The following THSD7A variants were observed in gnomAD, a reference collection of about 807,000 sequenced individuals.
THSD7A encodes thrombospondin type-1 domain-containing protein 7A.
In THSD7A, 96 loss-of-function variants were observed where a neutral mutation model predicts 231.3. That is an observed-to-expected ratio of 0.41 (90% CI 0.35 to 0.49). The LOEUF (loss-of-function observed/expected upper bound fraction) is 0.49. THSD7A is among the 20% of genes least tolerant of loss of function. THSD7A has a pLI of 0.05. For missense variants in THSD7A, 2,290 were observed against 2,070.2 expected (o/e 1.11, Z -2.06); for synonymous variants, 940 against 743.3 (o/e 1.26, Z -4.30).
At chr7:11,531,637 A>G (rs1332319171) in intron 6 of THSD7A, among the ~76,000 whole-genome samples, 2 of 152,192 alleles carry the variant, frequency 1.3e-5, no homozygotes, top group African/African-American at 4.8e-5. Context: ...CTCTTCACAG[A>G]TGTCACTCCA....
chr7:11,821,415 A>AT (rs112730302), intron 1 of THSD7A: 2,711 of 262,838 alleles, frequency 0.01, 75 homozygotes, highest in African/African-American at 0.057. Flanking sequence ...TTTTTCTTTT[A>AT]TTTTTTTAGG....
At chr7:11,593,221 C>T (rs552424739) in intron 3 of THSD7A, 33 bp downstream of exon 3, 52 of 1,603,748 alleles carry the variant, frequency 3.2e-5, no homozygotes, top group African/African-American at 2.1e-4. Context: ...AATGTAGTTT[C>T]GGCAGACGCT....
chr7:11,608,412 G>A (rs963458530), intron 2 of THSD7A, among the ~76,000 whole-genome samples: 1 of 152,056 alleles, frequency 6.6e-6, no homozygotes, highest in Non-Finnish European at 1.5e-5. Context: ...AAAAATGAGA[G>A]GGAGAGAGAA....
At position 11,472,224 on chromosome 7, in the gene THSD7A, T is replaced by G. The variant is rs576983110; in HGVS notation, c.2252+2110A>C. On this transcript the variant is annotated intron_variant, in intron 8 of 27. Transcript: ENST00000423059. ...CCTTTGTACTGTTTGTATTTAGTGT[T>G]TGTGGTTTAAATCAAGAAATTGATT... 3.9e-5 allele frequency among the ~76,000 whole-genome samples: 6 copies of G among 152,270 alleles called. No homozygotes were observed. In the South Asian group the frequency reaches 1.0e-3, roughly 26 times the overall value.
intron 26 of THSD7A, 46 bp from the exon 27 acceptor site, chr7:11,376,703 A>G: frequency 2.8e-6 from 4 of 1,419,830 alleles, no homozygotes; most frequent in Non-Finnish European, 3.9e-6. Flanking sequence ...AGTCTGGTAT[A>G]CATGAGGCAG....
intron 1 of THSD7A, among the ~76,000 whole-genome samples, chr7:11,784,236 ATG>A (rs145997266): frequency 0.02 from 3,092 of 151,164 alleles, 60 homozygotes; most frequent in Non-Finnish European, 0.028. Context: ...ATATATATGT[ATG>A]TGTGTGTGTG....
At chr7:11,615,407 G>C (rs1467924422) in intron 2 of THSD7A, among the ~76,000 whole-genome samples, 1 of 152,102 alleles carries the variant, frequency 6.6e-6, no homozygotes, top group East Asian at 1.9e-4. Context: ...ATTTCTTCTG[G>C]CTAAGTGGCA....
chr7:11,680,077 CA>C (rs1271480415), intron 1 of THSD7A, among the ~76,000 whole-genome samples: 1,602 of 119,112 alleles, frequency 0.013, 21 homozygotes, highest in African/African-American at 0.036. Flanking sequence ...ACAAAACTGA[CA>C]AAAAAAAAAA....
At chr7:11,732,483 A>G (rs1056907563) in intron 1 of THSD7A, among the ~76,000 whole-genome samples, 1 of 151,882 alleles carries the variant, frequency 6.6e-6, no homozygotes, top group African/African-American at 2.4e-5. Context: ...CCAAGCTTGT[A>G]TATCAGTGTC....
At chr7:11,425,653 C>G (rs1193159176) in intron 15 of THSD7A, among the ~76,000 whole-genome samples, 4 of 151,438 alleles carry the variant, frequency 2.6e-5, no homozygotes, top group Admixed American at 1.3e-4. Context: ...CCATTGCAAC[C>G]AAGCTGACTC....
chr7:11,376,258 G>A (rs1488142019), intron 27 of THSD7A, among the ~76,000 whole-genome samples: 1 of 152,056 alleles, frequency 6.6e-6, no homozygotes, highest in East Asian at 1.9e-4. Flanking sequence ...AGGTATTACT[G>A]TAATATCTTC....
At chr7:11,547,829 C>A (rs539797393) in intron 4 of THSD7A, among the ~76,000 whole-genome samples, 2 of 152,156 alleles carry the variant, frequency 1.3e-5, no homozygotes, top group South Asian at 4.1e-4. Flanking sequence ...AACAAACATA[C>A]AACATACCAG....
Position 11,634,428 on chromosome 7 carries a change from CAACTT to C in THSD7A, c.1022+1697_1022+1701del, listed in dbSNP as rs1412329714. On this transcript the variant is annotated intron_variant, in intron 2 of 27. Transcript: ENST00000423059. This position sits in a 1 kb window ranked among gnomAD's most constrained non-coding sequence, Gnocchi z 4.1. ...AACCCAGTGATAGCAGGAAACAACTCAACTTGTCTTGGAGACTCATTCAATTATTT... is the reference window on the plus strand; with the variant it reads ...AACCCAGTGATAGCAGGAAACAACTCGTCTTGGAGACTCATTCAATTATTT... 6.6e-6 allele frequency among the ~76,000 whole-genome samples: 1 copy of C among 152,122 alleles called. No individual in the cohort carries two copies. Among genetic ancestry groups the C allele is most frequent in the Non-Finnish European group, 1.5e-5 (1 of 68,010 alleles).
intron 1 of THSD7A, among the ~76,000 whole-genome samples, chr7:11,803,919 C>G (rs1414340727): frequency 6.6e-6 from 1 of 151,852 alleles, no homozygotes; most frequent in Non-Finnish European, 1.5e-5. Context: ...GTATACATTA[C>G]AATATATTAG....
At chr7:11,607,182 A>G (rs895429399) in intron 2 of THSD7A, among the ~76,000 whole-genome samples, 8 of 152,152 alleles carry the variant, frequency 5.3e-5, no homozygotes, top group African/African-American at 1.9e-4. Flanking sequence ...GTACTAGAAT[A>G]TAACGCTAGT....
chr7:11,559,931 C>T (rs1790009318), intron 4 of THSD7A, among the ~76,000 whole-genome samples: 1 of 152,032 alleles, frequency 6.6e-6, no homozygotes, highest in Non-Finnish European at 1.5e-5. Flanking sequence ...CTAGGTATAT[C>T]CCATGGAAAA....
Position 11,616,868 on chromosome 7 carries a change from G to T in THSD7A, c.1022+19262C>A, listed in dbSNP as rs548829471. On this transcript the variant is annotated intron_variant, in intron 2 of 27. Coordinates refer to ENST00000423059, the MANE Select transcript of THSD7A (RefSeq NM_015204.3). ...AAAATTACTAAATCGTAACTGTGAG[G>T]CTGTTAATCCTCACAAGTTTTTGAT... is the stretch of plus-strand genomic sequence containing the variant. 2.0e-5 allele frequency among the ~76,000 whole-genome samples: 3 copies of T among 152,240 alleles called. No individual in the cohort carries two copies. In the East Asian group the frequency reaches 5.8e-4, roughly 29 times the overall value.
At chr7:11,568,589 C>T (rs1272908348) in intron 4 of THSD7A, among the ~76,000 whole-genome samples, 3 of 122,216 alleles carry the variant, frequency 2.5e-5, no homozygotes, top group Non-Finnish European at 3.2e-5. Context: ...CACGCCACTG[C>T]ACTCCAACCT....
At chr7:11,678,411 G>T (rs530758564) in intron 1 of THSD7A, among the ~76,000 whole-genome samples, 4 of 152,052 alleles carry the variant, frequency 2.6e-5, no homozygotes, top group South Asian at 2.1e-4. Context: ...ACAGGAGCTG[G>T]TTTTTTTGAA....
Sources: gnomAD v4.1 joint callset for allele counts (sites outside exome capture counted in the v4.1 genomes callset) on GRCh38, gnomAD v4.1.1 for gene constraint, Gnocchi (gnomAD v3.1) non-coding constraint, MANE v1.5 for transcripts, NCBI Gene and HGNC (gene_info 2026-07-23, HGNC 2026-07-21) for gene names.